Variants in SDK1 observed in about 807,000 individuals in gnomAD.
The protein encoded by SDK1 is protein sidekick-1.
A neutral mutation model predicts 245.5 loss-of-function variants in SDK1; 157 were observed. The ratio of observed to expected loss-of-function variants is 0.64; its 90% CI spans 0.56 to 0.73. SDK1 has a LOEUF of 0.73. Ranked by LOEUF, SDK1 falls within the 30% of genes least tolerant of loss-of-function variation. The probability of loss-of-function intolerance (pLI) is 0.00; values close to 1 mark genes in which losing one functional copy is unlikely to be tolerated. For synonymous variants in SDK1, 1,647 were observed against 1,278.5 expected (o/e 1.29, Z -6.15); for missense variants, 3,583 against 3,002.3 (o/e 1.19, Z -4.52).
intron 28 of SDK1, 167 bp downstream of exon 28, chr7:4,132,590 G>A: frequency 3.6e-6 from 2 of 561,224 alleles, no homozygotes. Context: ...AGCCGGGCAT[G>A]ATGGCATGCA....
intron 32 of SDK1, among the ~76,000 whole-genome samples, chr7:4,170,055 T>A (rs920811143): frequency 6.6e-6 from 1 of 152,184 alleles, no homozygotes; most frequent in African/African-American, 2.4e-5. Context: ...CTTTTCCAAC[T>A]TTTCCATCCA....
intron 5 of SDK1, among the ~76,000 whole-genome samples, chr7:3,940,378 G>A (rs1780313175): frequency 6.6e-6 from 1 of 152,250 alleles, no homozygotes; most frequent in Non-Finnish European, 1.5e-5. Context: ...CAAGGCAAAC[G>A]CGAAAACGCA....
intron 44 of SDK1, among the ~76,000 whole-genome samples, chr7:4,252,460 T>A (rs6961520): frequency 1.3e-5 from 2 of 152,108 alleles, no homozygotes; most frequent in South Asian, 2.1e-4. Flanking sequence ...TCTATCATTG[T>A]TGGACATTTG....
chr7:3,546,860 A>C (rs1779240749), intron 1 of SDK1, among the ~76,000 whole-genome samples: 1 of 152,166 alleles, frequency 6.6e-6, no homozygotes, highest in African/African-American at 2.4e-5. Flanking sequence ...TAAGAGTTTA[A>C]AGTTCCTCAT....
At chr7:3,403,025 C>A (rs914721774) in intron 1 of SDK1, among the ~76,000 whole-genome samples, 1 of 152,100 alleles carries the variant, frequency 6.6e-6, no homozygotes. Flanking sequence ...ACCTCTGCCT[C>A]CCGGGTTCAA....
In SDK1 at chr7:3,489,247, T is replaced by G. The variant is rs139006820; in HGVS notation, c.299-129833T>G. The stretch of plus-strand genomic sequence containing the variant: ...TAGTATCATCTGCACAGTTGAATAC[T>G]TTATTAGCCATAACAATGTGCAAAC... On this transcript the variant is annotated intron_variant, in intron 1 of 44. Coordinates refer to ENST00000404826, the MANE Select transcript of SDK1 (RefSeq NM_152744.4). Among the ~76,000 whole-genome samples, 1,121 of 152,304 alleles carry G rather than the reference T, an allele frequency of 7.4e-3. 12 individuals carry two copies. The highest frequency in any genetic ancestry group is 0.012 in the Non-Finnish European group (850 of 68,034).
At chr7:4,135,703 T>C (rs995992712) in intron 28 of SDK1, among the ~76,000 whole-genome samples, 2 of 152,232 alleles carry the variant, frequency 1.3e-5, no homozygotes, top group Admixed American at 6.5e-5. Context: ...GGAAGCACAT[T>C]CGTGCCTCCC....
intron 4 of SDK1, among the ~76,000 whole-genome samples, chr7:3,764,586 G>A (rs1780201376): frequency 6.6e-6 from 1 of 152,132 alleles, no homozygotes; most frequent in South Asian, 2.1e-4. Context: ...GGAGGCTGAG[G>A]CAAGAGAATT....
At chr7:3,573,430 G>A (rs1780179249) in intron 1 of SDK1, among the ~76,000 whole-genome samples, 2 of 151,826 alleles carry the variant, frequency 1.3e-5, no homozygotes, top group South Asian at 4.2e-4. Context: ...AAACTGGATG[G>A]ATCTGTTTGT....
chr7:3,338,213 A>G, intron 1 of SDK1: 1 of 274,888 alleles, frequency 3.6e-6, no homozygotes, highest in Non-Finnish European at 7.1e-6. Context: ...TTGGCCACAT[A>G]CCTGCAAATC....
chr7:4,009,435 G>A (rs932961917), intron 14 of SDK1, among the ~76,000 whole-genome samples: 1 of 152,186 alleles, frequency 6.6e-6, no homozygotes, highest in African/African-American at 2.4e-5. Flanking sequence ...TGATACAAGT[G>A]GAAGGGTTTT....
chr7:3,464,406 A>G (rs1185288759), intron 1 of SDK1, among the ~76,000 whole-genome samples: 8 of 152,168 alleles, frequency 5.3e-5, no homozygotes, highest in Non-Finnish European at 2.9e-5. Flanking sequence ...CTGTAGCCCC[A>G]GCTACACAGG....
intron 1 of SDK1, among the ~76,000 whole-genome samples, chr7:3,339,024 G>A (rs1369947936): frequency 6.6e-6 from 1 of 152,152 alleles, no homozygotes; most frequent in East Asian, 1.9e-4. Flanking sequence ...GATTGGCACA[G>A]TGGTTAAGAA....
At chr7:3,808,867 A>G (rs1779315463) in intron 4 of SDK1, among the ~76,000 whole-genome samples, 1 of 152,218 alleles carries the variant, frequency 6.6e-6, no homozygotes, top group Admixed American at 6.5e-5. Flanking sequence ...AAATCATTAA[A>G]AATTGGATTT....
chr7:3,721,185 G>T lies in SDK1; in HGVS notation c.713+79080G>T, dbSNP rs565196209. Reference sequence around the variant, plus strand: ...AGGTGATGGAACTGTTCCCTCTCTTGGTTGTGGTGGTAGTTACATAAAGCT... The same window carrying T: ...AGGTGATGGAACTGTTCCCTCTCTTTGTTGTGGTGGTAGTTACATAAAGCT... On this transcript the variant is annotated intron_variant, in intron 4 of 44. Transcript: ENST00000404826. Among the ~76,000 whole-genome samples the T allele has an allele frequency of 3.9e-5, 6 of 152,260 alleles. 1 individual carries two copies. The highest frequency in any genetic ancestry group is 1.4e-4 in the African/African-American group (6 of 41,556).
chr7:3,435,321 C>CTTTTTTTTTT lies in SDK1; in HGVS notation c.298+133455_298+133464dup, dbSNP rs71029672. 8.2e-3 allele frequency among the ~76,000 whole-genome samples: 469 copies of CTTTTTTTTTT among 56,898 alleles called. 63 individuals carry two copies. Among genetic ancestry groups the CTTTTTTTTTT allele is most frequent in the African/African-American group, 0.018 (203 of 10,994 alleles). 37.3% of individuals were successfully genotyped at this position (56,898 alleles called of 152,430 possible). A position where few individuals can be genotyped will look rare whatever the true frequency, so the allele number is the denominator to read the frequency against. ...ATACTTGACTTATGAAGGGGACTGC[C>CTTTTTTTTTT]TTTTTTTTTTTTTTTTTTTTTTTTT... On this transcript the variant is annotated intron_variant, in intron 1 of 44. Coordinates refer to ENST00000404826, the MANE Select transcript of SDK1 (RefSeq NM_152744.4).
chr7:3,606,087 A>G (rs1272998361), intron 1 of SDK1, among the ~76,000 whole-genome samples: 7 of 152,156 alleles, frequency 4.6e-5, no homozygotes, highest in Non-Finnish European at 7.3e-5. Flanking sequence ...GGGTATTTCA[A>G]ACATCCTAAG....
chr7:3,492,858 T>C (rs1439558666), intron 1 of SDK1, among the ~76,000 whole-genome samples: 2 of 152,358 alleles, frequency 1.3e-5, no homozygotes, highest in East Asian at 3.9e-4. Flanking sequence ...GACTAAAATT[T>C]TGATAAAGAT....
intron 1 of SDK1, among the ~76,000 whole-genome samples, chr7:3,579,501 AACT>A (rs1780413885): frequency 6.6e-6 from 1 of 152,230 alleles, no homozygotes; most frequent in African/African-American, 2.4e-5. Context: ...ACTCTCAATA[AACT>A]ACGTGTTGAA....
Sources: gnomAD v4.1 joint callset for allele counts (sites outside exome capture counted in the v4.1 genomes callset) on GRCh38, gnomAD v4.1.1 for gene constraint, MANE v1.5 for transcripts, NCBI Gene and HGNC (gene_info 2026-07-23, HGNC 2026-07-21) for gene names.